Variants in ERC1 observed in about 807,000 individuals in gnomAD.
The protein encoded by ERC1 is RAB6 interacting protein 2.
ERC1 carries 56 observed loss-of-function variants against 132.0 expected under a neutral mutation model. That is an observed-to-expected ratio of 0.42 (90% CI 0.34 to 0.53). The LOEUF is 0.53. Among genes scored for constraint, ERC1 ranks in the 20% least tolerant of loss-of-function variants. The pLI is 0.03. For missense variants in ERC1, 1,202 were observed against 1,349.9 expected, an observed-to-expected ratio of 0.89 and a Z score of 1.72; for synonymous variants, 478 against 476.1, an observed-to-expected ratio of 1.00 and a Z score of -0.05.
At chr12:1,220,830 C>T (rs536240721) in intron 12 of ERC1, among the ~76,000 whole-genome samples, 2 of 152,340 alleles carry the variant, frequency 1.3e-5, no homozygotes, top group East Asian at 3.9e-4. Flanking sequence ...TCATTACCTG[C>T]CTTCCTCATT....
intron 16 of ERC1, among the ~76,000 whole-genome samples, chr12:1,402,903 A>G (rs1392963985): frequency 2.0e-5 from 3 of 150,830 alleles, no homozygotes; most frequent in African/African-American, 7.5e-5. Context: ...AGAACCTGCA[A>G]CTGAACTCTC....
chr12:1,150,016 G>A (rs117225696), intron 8 of ERC1, among the ~76,000 whole-genome samples: 1 of 152,150 alleles, frequency 6.6e-6, no homozygotes, highest in East Asian at 1.9e-4. Flanking sequence ...TTTGCTTTAG[G>A]GGAAGGTTGT....
intron 2 of ERC1, among the ~76,000 whole-genome samples, chr12:1,030,412 G>C (rs1310312917): frequency 6.6e-6 from 1 of 152,170 alleles, no homozygotes; most frequent in African/African-American, 2.4e-5. Context: ...ATGTATCACT[G>C]TGGTCCCATA....
intron 15 of ERC1, among the ~76,000 whole-genome samples, chr12:1,326,353 C>G (rs78203809): frequency 0.067 from 10,167 of 152,232 alleles, 432 homozygotes; most frequent in East Asian, 0.13. Context: ...TTTTGCTTAT[C>G]AAGTGATAAC....
At chr12:1,219,826 AG>A (rs1276814556) in intron 12 of ERC1, among the ~76,000 whole-genome samples, 1 of 151,986 alleles carries the variant, frequency 6.6e-6, no homozygotes, top group Non-Finnish European at 1.5e-5. Context: ...TTGTAGAGAC[AG>A]GGTTTTGCCA....
rs1476998576 is a variant in ERC1 at position 1,495,077 on chromosome 12, A to G, written c.*4847A>G. ...CAGGACCTCTGGGTAGAGGTTTCAC[A>G]GTTTGTGACCCCATAACCACCCTCA... On this transcript the variant is annotated 3_prime_UTR_variant, in exon 19 of 19. Transcript: ENST00000360905. 8.7e-6 allele frequency: 2 copies of G among 229,256 alleles called. No homozygotes were observed. Among genetic ancestry groups the G allele is most frequent in the Non-Finnish European group, 1.7e-5 (2 of 115,716 alleles). The allele number at this position is 229,256 out of a possible 1,614,324, so 14.2% of individuals were successfully genotyped here.
Position 1,158,437 on chromosome 12 carries a change from A to T in ERC1, c.1737+16650A>T, listed in dbSNP as rs569552107. Among the ~76,000 whole-genome samples the T allele has an allele frequency of 3.7e-3, 553 of 148,268 alleles. 3 individuals carry two copies. The highest frequency in any genetic ancestry group is 8.5e-3 in the Admixed American group (126 of 14,884). ...TGTTCCCAGTTTTTTTGTTTTATTT[A>T]TTTTTTTTTTGAGAAGGAGTTTTGC... On this transcript the variant is annotated intron_variant, in intron 8 of 18. Transcript: ENST00000360905.
intron 13 of ERC1, among the ~76,000 whole-genome samples, chr12:1,249,146 C>T (rs76691849): frequency 0.023 from 3,525 of 152,194 alleles, 57 homozygotes; most frequent in East Asian, 0.076. Flanking sequence ...TCTGCCTTAG[C>T]CTCCAAAATG....
At chr12:1,003,316 G>A (rs1962835860) in intron 1 of ERC1, among the ~76,000 whole-genome samples, 2 of 151,964 alleles carry the variant, frequency 1.3e-5, no homozygotes, top group Non-Finnish European at 2.9e-5. Context: ...CACATCTTTT[G>A]TTAAATTTAG....
chr12:1,462,756 A>G (rs2093667627), intron 18 of ERC1, among the ~76,000 whole-genome samples: 1 of 152,182 alleles, frequency 6.6e-6, no homozygotes, highest in South Asian at 2.1e-4. Flanking sequence ...ATGTGGGTAG[A>G]TAAATTCATC....
At chr12:1,134,792 G>A (rs1466422802) in intron 7 of ERC1, among the ~76,000 whole-genome samples, 1 of 149,350 alleles carries the variant, frequency 6.7e-6, no homozygotes, top group East Asian at 2.0e-4. Flanking sequence ...GCAATGGCGT[G>A]ATCTCAGCTC....
chr12:1,489,553 A>G (rs2094294743), intron 18 of ERC1, among the ~76,000 whole-genome samples: 1 of 152,264 alleles, frequency 6.6e-6, no homozygotes, highest in Non-Finnish European at 1.5e-5. Flanking sequence ...AGAGGCTGTT[A>G]AAAACAACAG....
At chr12:1,067,073 G>A (rs1939351704) in intron 2 of ERC1, among the ~76,000 whole-genome samples, 1 of 152,114 alleles carries the variant, frequency 6.6e-6, no homozygotes, top group Non-Finnish European at 1.5e-5. Context: ...CTCCCAAAGT[G>A]TTGGAATTAC....
chr12:1,383,057 G>T (rs752987153), intron 16 of ERC1, among the ~76,000 whole-genome samples: 2 of 152,098 alleles, frequency 1.3e-5, no homozygotes, highest in Non-Finnish European at 2.9e-5. Flanking sequence ...AATTTGATAA[G>T]ACTCTTCCCT....
chr12:1,434,337 C>T (rs370461398), intron 17 of ERC1, among the ~76,000 whole-genome samples: 3 of 152,106 alleles, frequency 2.0e-5, no homozygotes, highest in Admixed American at 2.0e-4. Context: ...TATGAAGATT[C>T]TATATAAGCT....
intron 8 of ERC1, among the ~76,000 whole-genome samples, chr12:1,179,879 G>C (rs1211581728): frequency 2.0e-5 from 3 of 152,170 alleles, no homozygotes; most frequent in African/African-American, 7.2e-5. Flanking sequence ...GTAAATGAAT[G>C]CATGTAAGTG....
intron 9 of ERC1, among the ~76,000 whole-genome samples, chr12:1,181,241 G>A (rs918617375): frequency 2.5e-4 from 38 of 151,708 alleles, no homozygotes; most frequent in African/African-American, 8.7e-4. Flanking sequence ...CCCTTTTTTG[G>A]TGTGTGAGTT....
chr12:1,122,161 CTATCTG>C, intron 7 of ERC1, among the ~76,000 whole-genome samples: 2 of 112,574 alleles, frequency 1.8e-5, no homozygotes, highest in African/African-American at 9.9e-5. Flanking sequence ...ATCTCTATCT[CTATCTG>C]TGTCTCTATC....
Position 1,331,507 on chromosome 12 carries a change from G to C in ERC1, c.2781-40326G>C, listed in dbSNP as rs77135798. On this transcript the variant is annotated intron_variant, in intron 15 of 18. Transcript: ENST00000360905. The stretch of plus-strand genomic sequence containing the variant: ...CATTTCCAGTGAAGTAGTGGTTCTT[G>C]ACCCAGGGAGATAGTGGGGCTGTCA... 9.8e-3 allele frequency among the ~76,000 whole-genome samples: 1,487 copies of C among 152,262 alleles called. 27 individuals carry two copies. The highest frequency in any genetic ancestry group is 0.034 in the African/African-American group (1,401 of 41,542).
Sources: gnomAD v4.1 joint callset for allele counts (sites outside exome capture counted in the v4.1 genomes callset) on GRCh38, gnomAD v4.1.1 for gene constraint, MANE v1.5 for transcripts, NCBI Gene and HGNC (gene_info 2026-07-23, HGNC 2026-07-21) for gene names.